ABL1: variants seen among roughly 807,000 people sequenced by gnomAD.
ABL1 encodes the protein tyrosine-protein kinase ABL1.
A neutral mutation model predicts 94.7 loss-of-function variants in ABL1; 11 were observed. The ratio of observed to expected loss-of-function variants is 0.12; its 90% CI spans 0.07 to 0.19. The LOEUF (loss-of-function observed/expected upper bound fraction) is 0.19, where lower values mean the gene tolerates loss of function less well. Ranked by LOEUF, ABL1 falls within the 10% of genes least tolerant of loss-of-function variation. The pLI, the probability that ABL1 is intolerant of heterozygous loss-of-function variation, is 1.00. For missense variants in ABL1, 1,082 were observed against 1,489.4 expected (o/e 0.73, Z 4.50); for synonymous variants, 656 against 622.4 (o/e 1.05, Z -0.80).
chr9:130,755,797 G>T (rs574634333), intron 1 of ABL1, among the ~76,000 whole-genome samples: 5 of 152,306 alleles, frequency 3.3e-5, no homozygotes, highest in Admixed American at 2.6e-4. Context: ...CTGGCAGTCT[G>T]CCGCTCTTCC....
chr9:130,886,689 C>CA lies in ABL1; in HGVS notation c.*1009dup. ...CTTCCCCTCCCCCACTCCTCTAAGA[C>CA]AAAGTAGATTCTTACAAGGCCCTTT... On this transcript the variant is annotated 3_prime_UTR_variant, in exon 11 of 11. Coordinates refer to ENST00000318560, the MANE Select transcript of ABL1 (RefSeq NM_005157.6). The CA allele has an allele frequency of 4.3e-6, 1 of 233,740 alleles. No individual in the cohort carries two copies. Among genetic ancestry groups the CA allele is most frequent in the Non-Finnish European group, 8.5e-6 (1 of 118,072 alleles). 14.5% of individuals were successfully genotyped at this position (233,740 alleles called of 1,614,324 possible).
intron 1 of ABL1, among the ~76,000 whole-genome samples, chr9:130,753,457 ACT>A (rs1831995641): frequency 3.8e-5 from 4 of 105,350 alleles, no homozygotes; most frequent in Admixed American, 1.4e-4. Context: ...ATGGAGTCTC[ACT>A]CTGTTGCTCA....
intron 1 of ABL1, among the ~76,000 whole-genome samples, chr9:130,752,591 A>G (rs1478320725): frequency 6.6e-6 from 1 of 152,162 alleles, no homozygotes; most frequent in Non-Finnish European, 1.5e-5. Flanking sequence ...GCATGTATGT[A>G]TGTATTCATT....
chr9:130,854,031 T>G (rs1486330920), intron 1 of ABL1, 33 bp from the exon 2 acceptor site: 10 of 1,555,876 alleles, frequency 6.4e-6, no homozygotes. Flanking sequence ...TCTCTTCCTT[T>G]TTCTTTTTTC....
At chr9:130,848,832 A>G (rs1830814992) in intron 1 of ABL1, among the ~76,000 whole-genome samples, 1 of 152,086 alleles carries the variant, frequency 6.6e-6, no homozygotes, top group Non-Finnish European at 1.5e-5. Flanking sequence ...CCAGCTACTC[A>G]GGAGGCTGAG....
In ABL1 at chr9:130,835,611, G is replaced by T. The variant is rs1045739882; in HGVS notation, c.79+86G>T. The T allele has an allele frequency of 1.8e-6, 2 of 1,083,732 alleles. No homozygotes were observed. The highest frequency in any genetic ancestry group is 2.1e-5 in the Admixed American group (1 of 47,056). The allele number at this position is 1,083,732 out of a possible 1,614,324, so 67.1% of individuals were successfully genotyped here. A position where few individuals can be genotyped will look rare whatever the true frequency, so the allele number is the denominator to read the frequency against. On this transcript the variant is annotated intron_variant, in intron 1 of 10. Transcript: ENST00000318560. The surrounding 1 kb of genome is among the most constrained non-coding windows in gnomAD (Gnocchi z 4.6). Reference sequence around the variant, plus strand: ...CCTTCCTAGGCCTCGCCGCCCGCGCGCTCCCGCCTGCGCCCTCCCCGGGTC... The same window carrying T: ...CCTTCCTAGGCCTCGCCGCCCGCGCTCTCCCGCCTGCGCCCTCCCCGGGTC...
intron 1 of ABL1, among the ~76,000 whole-genome samples, chr9:130,776,792 A>G (rs1829664609): frequency 6.6e-6 from 1 of 151,914 alleles, no homozygotes; most frequent in South Asian, 2.1e-4. Flanking sequence ...GGTTCTTCCT[A>G]TGTTGCCCAG....
intron 1 of ABL1, among the ~76,000 whole-genome samples, chr9:130,820,416 T>C (rs971709015): frequency 6.6e-6 from 1 of 152,240 alleles, no homozygotes; most frequent in Non-Finnish European, 1.5e-5. Context: ...CTGTCTTCAC[T>C]GTGCTGGATT....
At chr9:130,758,157 A>ATTTTTTTTTTTT (rs375183745) in intron 1 of ABL1, among the ~76,000 whole-genome samples, 1 of 145,144 alleles carries the variant, frequency 6.9e-6, no homozygotes, top group Non-Finnish European at 1.5e-5. Context: ...AGTGGCTAAG[A>ATTTTTTTTTTTT]TTTTTTTTTT....
Position 130,786,659 on chromosome 9 carries a change from C to T in ABL1, c.137-67405C>T, listed in dbSNP as rs914748553. 4.6e-5 allele frequency among the ~76,000 whole-genome samples: 7 copies of T among 152,146 alleles called. 1 individual carries two copies. Among genetic ancestry groups the T allele is most frequent in the African/African-American group, 1.7e-4 (7 of 41,422 alleles). On this transcript the variant is annotated intron_variant, in intron 1 of 10. Coordinates refer to the ABL1 transcript ENST00000372348. ...AAGGGCTGGACCCTTCTACATCTTT[C>T]TGTCTGGATGAAGCTCCTCTGCTGT...
chr9:130,739,889 G>A (rs548797534), intron 1 of ABL1, among the ~76,000 whole-genome samples: 62 of 152,206 alleles, frequency 4.1e-4, no homozygotes, highest in Admixed American at 3.7e-3. Context: ...TAGGGAGACC[G>A]CATCTCTACA....
In ABL1 at chr9:130,872,249, C is replaced by T. The variant is rs369855292; in HGVS notation, c.907+36C>T. 60 of 1,588,784 alleles carry T rather than the reference C, an allele frequency of 3.8e-5. No individual in the cohort carries two copies. The highest frequency in any genetic ancestry group is 3.2e-4 in the South Asian group (29 of 89,940). On this transcript the variant is annotated intron_variant, in intron 5 of 10. Transcript: ENST00000318560. This position sits in a 1 kb window ranked among gnomAD's most constrained non-coding sequence, Gnocchi z 5.0. ...CCGGGGCTCTGAAGAGAGGGTCTCG[C>T]GCCGCACCCCCAGGGTGACACAGGC...
chr9:130,780,158 G>C (rs2132782856), intron 1 of ABL1, among the ~76,000 whole-genome samples: 1 of 152,246 alleles, frequency 6.6e-6, no homozygotes, highest in Admixed American at 6.5e-5. Context: ...GCAGTGGCAG[G>C]CACCCGTAAT....
chr9:130,873,182 C>CA, intron 6 of ABL1, 145 bp downstream of exon 6: 2 of 878,824 alleles, frequency 2.3e-6, no homozygotes, highest in Non-Finnish European at 1.7e-6. Context: ...GGAACAAAGG[C>CA]AAACACTAGG....
At chr9:130,834,168 C>T (rs1169117851), upstream of ABL1, 2 of 445,628 alleles carry the variant, frequency 4.5e-6, no homozygotes, top group African/African-American at 4.0e-5. Context: ...AGAATCATTA[C>T]GCAGATGCAA....
upstream of ABL1, chr9:130,834,144 ATC>A: frequency 6.6e-6 from 3 of 452,156 alleles, no homozygotes; most frequent in South Asian, 3.1e-5. Flanking sequence ...AATTGGGATA[ATC>A]TGTTTCCTCA....
intron 1 of ABL1, among the ~76,000 whole-genome samples, chr9:130,726,359 G>A (rs974254738): frequency 6.6e-6 from 1 of 152,006 alleles, no homozygotes; most frequent in African/African-American, 2.4e-5. Context: ...GATAACTACT[G>A]TCTTACGTTT....
At chr9:130,721,604 A>G (rs535097165) in intron 1 of ABL1, among the ~76,000 whole-genome samples, 1 of 151,812 alleles carries the variant, frequency 6.6e-6, no homozygotes, top group South Asian at 2.1e-4. Flanking sequence ...CAGCTACTCA[A>G]GAGGCTAAAG....
chr9:130,860,511 G>T (rs1434494146), intron 3 of ABL1, among the ~76,000 whole-genome samples: 1 of 152,152 alleles, frequency 6.6e-6, no homozygotes, highest in Non-Finnish European at 1.5e-5. Flanking sequence ...TTCCACTTTG[G>T]AGTGAAGGAA....
Sources: gnomAD v4.1 joint callset for allele counts (sites outside exome capture counted in the v4.1 genomes callset) on GRCh38, gnomAD v4.1.1 for gene constraint, Gnocchi (gnomAD v3.1) non-coding constraint, MANE v1.5 for transcripts, NCBI Gene and HGNC (gene_info 2026-07-23, HGNC 2026-07-21) for gene names.